TGFBR3: variants seen among roughly 807,000 people sequenced by gnomAD.
TGFBR3 encodes the protein transforming growth factor beta receptor type 3.
TGFBR3 carries 46 observed loss-of-function variants against 87.9 expected under a neutral mutation model. The ratio of observed to expected loss-of-function variants is 0.52; its 90% CI spans 0.41 to 0.67. TGFBR3 has a LOEUF of 0.67. Among genes scored for constraint, TGFBR3 ranks in the 30% least tolerant of loss-of-function variants. The pLI, the probability that TGFBR3 is intolerant of heterozygous loss-of-function variation, is 0.00. For missense variants in TGFBR3, 866 were observed against 1,041.9 expected (o/e 0.83, Z 2.32); for synonymous variants, 381 against 391.6 (o/e 0.97, Z 0.32).
At chr1:91,780,842 G>T (rs1356600148) in intron 3 of TGFBR3, among the ~76,000 whole-genome samples, 2 of 151,424 alleles carry the variant, frequency 1.3e-5, no homozygotes, top group Admixed American at 1.3e-4. Flanking sequence ...ACAGGTGTGA[G>T]CCACTGCACC....
At chr1:91,892,814 G>T (rs6680614) in intron 2 of TGFBR3, among the ~76,000 whole-genome samples, 73,366 of 152,052 alleles carry the variant, frequency 0.48, 17,733 homozygotes, top group Non-Finnish European at 0.51. Flanking sequence ...AGAGCTGAAA[G>T]AACTATATAT....
chr1:91,893,516 C>G (rs1679489743), intron 2 of TGFBR3, among the ~76,000 whole-genome samples: 1 of 152,150 alleles, frequency 6.6e-6, no homozygotes, highest in South Asian at 2.1e-4. Flanking sequence ...CTCCTGACCT[C>G]AAGTGATCTG....
chr1:91,897,429 C>T (rs776371183), intron 2 of TGFBR3, among the ~76,000 whole-genome samples: 6 of 152,148 alleles, frequency 3.9e-5, no homozygotes, highest in Non-Finnish European at 7.4e-5. Flanking sequence ...TATTATGTCC[C>T]AAGGCCTTTG....
At position 91,709,788 on chromosome 1, in the gene TGFBR3, G is replaced by T. The variant is rs1671919743; in HGVS notation, c.2167-1005C>A. The stretch of plus-strand genomic sequence containing the variant: ...TCTTTTTTATTTTTCTTGAGACAGG[G>T]TCTTGCTGTGTTACCCAGGCTGGAG... On this transcript the variant is annotated intron_variant, in intron 13 of 16. Transcript: ENST00000212355. Among the ~76,000 whole-genome samples, 6 of 152,206 alleles carry T rather than the reference G, an allele frequency of 3.9e-5. No individual in the cohort carries two copies. The South Asian group carries it at 1.2e-3, about 32-fold the overall frequency.
chr1:91,877,720 T>A (rs72971044), intron 1 of TGFBR3, among the ~76,000 whole-genome samples: 2,538 of 152,244 alleles, frequency 0.017, 76 homozygotes, highest in African/African-American at 0.058. Flanking sequence ...ACATGATACA[T>A]CCAATGGCTG....
intron 13 of TGFBR3, among the ~76,000 whole-genome samples, chr1:91,710,273 C>T (rs919853507): frequency 1.3e-5 from 2 of 152,160 alleles, no homozygotes; most frequent in African/African-American, 4.8e-5. Flanking sequence ...TACTCTTACC[C>T]CCTCAAAAAG....
intron 2 of TGFBR3, among the ~76,000 whole-genome samples, chr1:91,830,390 GATTTCCAGGGGGAGCTCTGTCC>G (rs1437648383): frequency 2.0e-5 from 3 of 152,164 alleles, no homozygotes; most frequent in Admixed American, 2.0e-4. Flanking sequence ...GCAGGCAGTC[GATTTCCAGGGGGAGCTCTGTCC>G]ACGGTATGGA....
chr1:91,778,150 A>C (rs928523592), intron 3 of TGFBR3, among the ~76,000 whole-genome samples: 6 of 148,728 alleles, frequency 4.0e-5, no homozygotes, highest in African/African-American at 1.5e-4. Flanking sequence ...AATCCTACTT[A>C]ATCTAGGTTA....
intron 2 of TGFBR3, among the ~76,000 whole-genome samples, chr1:91,803,212 C>T (rs1473353647): frequency 1.3e-5 from 2 of 152,190 alleles, no homozygotes; most frequent in Admixed American, 6.5e-5. Context: ...CGTGTTTTGG[C>T]CATTCTGGTG....
At chr1:91,711,507 G>A (rs1462933910) in intron 13 of TGFBR3, among the ~76,000 whole-genome samples, 1 of 152,140 alleles carries the variant, frequency 6.6e-6, no homozygotes, top group Non-Finnish European at 1.5e-5. Flanking sequence ...CGAAAGGACT[G>A]GAAATCAGTT....
At chr1:91,901,154 C>T (rs1306726861) in intron 1 of TGFBR3, among the ~76,000 whole-genome samples, 1 of 152,226 alleles carries the variant, frequency 6.6e-6, no homozygotes, top group Admixed American at 6.5e-5. Flanking sequence ...TCATCCTCAC[C>T]AACACTTGTT....
intron 2 of TGFBR3, among the ~76,000 whole-genome samples, chr1:91,810,514 T>C: frequency 6.6e-6 from 1 of 152,226 alleles, no homozygotes. Context: ...AGAAACTCCA[T>C]GAGGGCAAGG....
intron 4 of TGFBR3, among the ~76,000 whole-genome samples, chr1:91,740,260 T>C (rs989410278): frequency 6.6e-6 from 1 of 151,428 alleles, no homozygotes; most frequent in Admixed American, 6.6e-5. Context: ...GGTTTCACCA[T>C]GTTGGCAAGG....
intron 2 of TGFBR3, among the ~76,000 whole-genome samples, chr1:91,806,931 C>T (rs1675857028): frequency 6.6e-6 from 1 of 152,148 alleles, no homozygotes; most frequent in Non-Finnish European, 1.5e-5. Context: ...AGAAAGGGCA[C>T]CCAGGATGAT....
At chr1:91,817,356 A>T (rs2101051872) in intron 2 of TGFBR3, among the ~76,000 whole-genome samples, 1 of 152,374 alleles carries the variant, frequency 6.6e-6, no homozygotes, top group Middle Eastern at 3.4e-3. Flanking sequence ...TATAAGATGT[A>T]ACCCCCTCTT....
chr1:91,715,034 G>A (rs2100767827), intron 12 of TGFBR3, among the ~76,000 whole-genome samples: 1 of 152,282 alleles, frequency 6.6e-6, no homozygotes, highest in Admixed American at 6.5e-5. Flanking sequence ...ACATATGGAA[G>A]TACCCCACTT....
intron 8 of TGFBR3, 104 bp downstream of exon 8, chr1:91,721,851 T>A (rs2100787111): frequency 9.3e-7 from 1 of 1,078,992 alleles, no homozygotes; most frequent in African/African-American, 1.6e-5. Flanking sequence ...TATTAAAATG[T>A]ACAAGAGAAA....
intron 2 of TGFBR3, among the ~76,000 whole-genome samples, chr1:91,895,889 G>A (rs1679542068): frequency 6.6e-6 from 1 of 152,114 alleles, no homozygotes; most frequent in Non-Finnish European, 1.5e-5. Context: ...GGTCATCATT[G>A]ATTTATCTCT....
intron 1 of TGFBR3, among the ~76,000 whole-genome samples, chr1:91,903,275 G>A (rs1679770822): frequency 7.4e-6 from 1 of 135,120 alleles, no homozygotes; most frequent in South Asian, 2.5e-4. Context: ...GGAGGCAGAG[G>A]TTGCAGTGAG....
Sources: allele counts gnomAD v4.1 joint callset (sites outside exome capture counted in the v4.1 genomes callset), GRCh38; gene constraint gnomAD v4.1.1; transcripts MANE v1.5; gene names NCBI Gene and HGNC (gene_info 2026-07-23, HGNC 2026-07-21).